PITPNC1: variants seen among roughly 807,000 people sequenced by gnomAD.
PITPNC1 encodes cytoplasmic phosphatidylinositol transfer protein 1.
PITPNC1 carries 18 observed loss-of-function variants against 44.7 expected under a neutral mutation model. That is an observed-to-expected ratio of 0.40 (90% confidence interval 0.28 to 0.60). PITPNC1 has a LOEUF of 0.60. Among genes scored for constraint, PITPNC1 ranks in the 20% least tolerant of loss-of-function variants. The pLI is 0.39. For missense variants in PITPNC1, 290 were observed against 418.4 expected, an observed-to-expected ratio of 0.69 and a Z score of 2.68; for synonymous variants, 141 against 149.6, an observed-to-expected ratio of 0.94 and a Z score of 0.42.
At chr17:67,477,262 T>C (rs1300202321) in intron 1 of PITPNC1, among the ~76,000 whole-genome samples, 1 of 120,564 alleles carries the variant, frequency 8.3e-6, no homozygotes, top group East Asian at 2.4e-4. Flanking sequence ...TTTTTTTTTT[T>C]TGAGATGGAG....
intron 4 of PITPNC1, among the ~76,000 whole-genome samples, chr17:67,561,483 G>A (rs2040906461): frequency 6.7e-6 from 1 of 150,254 alleles, no homozygotes; most frequent in Non-Finnish European, 1.5e-5. Context: ...ATGCAGAATT[G>A]CCCTGAGGTC....
intron 8 of PITPNC1, chr17:67,687,174 C>T (rs1598998886): frequency 6.5e-7 from 1 of 1,549,230 alleles, no homozygotes; most frequent in Non-Finnish European, 8.9e-7. Context: ...GAGAGTCATG[C>T]CCAAACAAGT....
rs1402085022 is a variant in PITPNC1, at chr17:67,676,758, A to C, written c.682+1216A>C. Reference sequence around the variant, plus strand: ...AGGGGCAAAGACAGTCATTATTATTAATATTGTTAGCTATTTCTGAGCCAC... The same window carrying C: ...AGGGGCAAAGACAGTCATTATTATTCATATTGTTAGCTATTTCTGAGCCAC... On this transcript the variant is annotated intron_variant, in intron 8 of 8. Coordinates refer to ENST00000581322, the MANE Select transcript of PITPNC1 (RefSeq NM_012417.4). The surrounding 1 kb of genome is among the most constrained non-coding windows in gnomAD (Gnocchi z 4.0). Among the ~76,000 whole-genome samples, 5 of 152,120 alleles carry C rather than the reference A, an allele frequency of 3.3e-5. No homozygotes were observed. The highest frequency in any genetic ancestry group is 7.4e-5 in the Non-Finnish European group (5 of 68,024).
At chr17:67,519,373 C>T (rs1338658591) in intron 1 of PITPNC1, among the ~76,000 whole-genome samples, 5 of 152,008 alleles carry the variant, frequency 3.3e-5, no homozygotes, top group Non-Finnish European at 7.4e-5. Flanking sequence ...GATGGGGTTT[C>T]ACCATGTTGG....
intron 6 of PITPNC1, among the ~76,000 whole-genome samples, chr17:67,645,882 T>C (rs527406112): frequency 5.3e-5 from 8 of 152,330 alleles, no homozygotes; most frequent in Admixed American, 4.6e-4. Context: ...CCCAGCACTT[T>C]GGGAGGCCAA....
At chr17:67,627,271 A>G (rs2041907561) in intron 5 of PITPNC1, among the ~76,000 whole-genome samples, 1 of 152,112 alleles carries the variant, frequency 6.6e-6, no homozygotes, top group Non-Finnish European at 1.5e-5. Flanking sequence ...AAAGAAATTA[A>G]AACTCATCAT....
At chr17:67,608,234 T>TAAAAAAAAAAAAA (rs150137801) in intron 5 of PITPNC1, among the ~76,000 whole-genome samples, 3 of 122,328 alleles carry the variant, frequency 2.5e-5, no homozygotes, top group Middle Eastern at 4.2e-3. Context: ...AAATGTCAAT[T>TAAAAAAAAAAAAA]AAAAAAAAAA....
In PITPNC1 at chr17:67,552,527, G is replaced by A. The variant is rs999466452; in HGVS notation, c.286+182G>A. 1.4e-4 allele frequency among the ~76,000 whole-genome samples: 22 copies of A among 151,874 alleles called. No homozygotes were observed. The East Asian group carries it at 4.1e-3, about 28-fold the overall frequency. On this transcript the variant is annotated intron_variant, in intron 3 of 8. Coordinates refer to ENST00000581322, the MANE Select transcript of PITPNC1 (RefSeq NM_012417.4). The stretch of plus-strand genomic sequence containing the variant: ...ACACTTCTAACACAGACACAGAGAT[G>A]GCAGGTGACAGGGGGGTTAAGCTAA...
At chr17:67,450,942 A>C (rs976186303) in intron 1 of PITPNC1, among the ~76,000 whole-genome samples, 6 of 152,178 alleles carry the variant, frequency 3.9e-5, no homozygotes, top group Non-Finnish European at 8.8e-5. Flanking sequence ...ACCTCATAAA[A>C]GTAGAATCAA....
At chr17:67,437,801 C>T (rs2038957799) in intron 1 of PITPNC1, among the ~76,000 whole-genome samples, 1 of 152,186 alleles carries the variant, frequency 6.6e-6, no homozygotes, top group Non-Finnish European at 1.5e-5. Context: ...AGTGCGGAGG[C>T]TCGGGCCTGT....
At chr17:67,486,483 T>C (rs2039779606) in intron 1 of PITPNC1, among the ~76,000 whole-genome samples, 1 of 152,174 alleles carries the variant, frequency 6.6e-6, no homozygotes, top group Non-Finnish European at 1.5e-5. Flanking sequence ...GAAGATGGCA[T>C]TGATCGGAGA....
chr17:67,587,324 C>CAA (rs530075213), intron 5 of PITPNC1, among the ~76,000 whole-genome samples: 2 of 103,154 alleles, frequency 1.9e-5, no homozygotes, highest in African/African-American at 3.6e-5. Flanking sequence ...CCCATCTCTA[C>CAA]AAAAAAAAAA....
intron 1 of PITPNC1, among the ~76,000 whole-genome samples, chr17:67,469,291 G>A (rs1168256373): frequency 6.6e-6 from 1 of 152,132 alleles, no homozygotes; most frequent in East Asian, 1.9e-4. Flanking sequence ...CACTGCTGCA[G>A]CCTGTGCCAT....
intron 1 of PITPNC1, among the ~76,000 whole-genome samples, chr17:67,510,597 T>C (rs942149733): frequency 6.6e-6 from 1 of 152,060 alleles, no homozygotes; most frequent in African/African-American, 2.4e-5. Flanking sequence ...CCACCGCGCC[T>C]GGCCATTTTT....
intron 1 of PITPNC1, among the ~76,000 whole-genome samples, chr17:67,425,085 C>T (rs2038726930): frequency 6.6e-6 from 1 of 152,026 alleles, no homozygotes; most frequent in Non-Finnish European, 1.5e-5. Context: ...ATTCCACCGC[C>T]TATCCCAAAA....
At chr17:67,685,957 T>C (rs557253625) in intron 8 of PITPNC1, among the ~76,000 whole-genome samples, 2 of 151,768 alleles carry the variant, frequency 1.3e-5, no homozygotes, top group African/African-American at 2.4e-5. Flanking sequence ...CAGCCTCCCA[T>C]GTAGCTGGGA....
At chr17:67,398,408 T>C (rs2038254648) in intron 1 of PITPNC1, among the ~76,000 whole-genome samples, 1 of 152,082 alleles carries the variant, frequency 6.6e-6, no homozygotes, top group African/African-American at 2.4e-5. Flanking sequence ...GAAGAAGTGG[T>C]AATCGGTTGG....
intron 1 of PITPNC1, among the ~76,000 whole-genome samples, chr17:67,465,033 C>T (rs921817041): frequency 6.6e-6 from 1 of 152,202 alleles, no homozygotes; most frequent in African/African-American, 2.4e-5. Context: ...GCCACCACAC[C>T]CGGCCACAAC....
chr17:67,694,860 TA>T lies in PITPNC1; in HGVS notation c.*1973del, dbSNP rs777209637. On this transcript the variant is annotated 3_prime_UTR_variant, in exon 9 of 9. Transcript: ENST00000581322. ...TGTTTTGCTTTAGAGAGCAAAATGC[TA>T]CTTTCAGAAGACACTGAAATAGTAT... 3.3e-5 allele frequency: 5 copies of T among 152,238 alleles called. No homozygotes were observed. The highest frequency in any genetic ancestry group is 5.9e-5 in the Non-Finnish European group (4 of 68,032). 9.4% of individuals were successfully genotyped at this position (152,238 alleles called of 1,614,324 possible). A position where few individuals can be genotyped will look rare whatever the true frequency, so the allele number is the denominator to read the frequency against.
Sources: allele counts gnomAD v4.1 joint callset (sites outside exome capture counted in the v4.1 genomes callset), GRCh38; gene constraint gnomAD v4.1.1; non-coding constraint Gnocchi (gnomAD v3.1); transcripts MANE v1.5; gene names NCBI Gene and HGNC (gene_info 2026-07-23, HGNC 2026-07-21).